The following LPIN1 variants were observed in gnomAD, a reference collection of about 807,000 sequenced individuals.
LPIN1 encodes the protein phosphatidate phosphatase LPIN1.
LPIN1 carries 71 observed loss-of-function variants against 107.5 expected under a neutral mutation model. The ratio of observed to expected loss-of-function variants is 0.66; its 90% CI spans 0.55 to 0.80. The LOEUF (loss-of-function observed/expected upper bound fraction) is 0.80. Among genes scored for constraint, LPIN1 ranks in the 30% least tolerant of loss-of-function variants. The probability of loss-of-function intolerance (pLI) is 0.00; values close to 1 mark genes in which losing one functional copy is unlikely to be tolerated. For missense variants in LPIN1, 1,043 were observed against 1,160.6 expected (o/e 0.90, Z 1.47); for synonymous variants, 445 against 452.6 (o/e 0.98, Z 0.21).
At chr2:11,684,517 G>T (rs1661895720) in intron 1 of LPIN1, among the ~76,000 whole-genome samples, 1 of 152,234 alleles carries the variant, frequency 6.6e-6, no homozygotes, top group African/African-American at 2.4e-5. Flanking sequence ...ACACAGAGCT[G>T]GAGGGTGGTT....
At chr2:11,747,054 C>G (rs956786512) in intron 1 of LPIN1, among the ~76,000 whole-genome samples, 7 of 152,186 alleles carry the variant, frequency 4.6e-5, no homozygotes, top group Non-Finnish European at 1.5e-5. Flanking sequence ...CGTCCTGGCT[C>G]TGCGCGATCA....
intron 18 of LPIN1, 117 bp downstream of exon 18, chr2:11,815,357 T>C: frequency 8.0e-7 from 1 of 1,251,208 alleles, no homozygotes; most frequent in Non-Finnish European, 1.1e-6. Context: ...ATATCCATGC[T>C]CCATAGCAGG....
upstream of LPIN1, chr2:11,724,192 C>T (rs1664369864): frequency 7.8e-6 from 2 of 255,268 alleles, no homozygotes; most frequent in Non-Finnish European, 1.2e-5. Flanking sequence ...TGGTCTCCTG[C>T]GTGCCCCCTC....
At chr2:11,816,404 T>C (rs1445089143) in intron 18 of LPIN1, 1 of 152,226 alleles carries the variant, frequency 6.6e-6, no homozygotes, top group East Asian at 1.9e-4. Flanking sequence ...CATCAGCCTG[T>C]GTTAAGTAGT....
rs533093841 is a variant in LPIN1, at chr2:11,826,788, C to T, written c.*1997C>T. 2.0e-5 allele frequency: 3 copies of T among 152,284 alleles called. No individual in the cohort carries two copies. Among genetic ancestry groups the T allele is most frequent in the South Asian group, 2.1e-4 (1 of 4,814 alleles). 9.4% of individuals were successfully genotyped at this position (152,284 alleles called of 1,614,324 possible). A position where few individuals can be genotyped will look rare whatever the true frequency, so the allele number is the denominator to read the frequency against. On this transcript the variant is annotated 3_prime_UTR_variant, in exon 21 of 21. Transcript: ENST00000674199. ...CCTCTGCAGCAGCACACCCTGCAGGCGGAGTTTTCAGAGGATGCAATTTTG... is the reference window on the plus strand; with the variant it reads ...CCTCTGCAGCAGCACACCCTGCAGGTGGAGTTTTCAGAGGATGCAATTTTG...
intron 18 of LPIN1, 72 bp downstream of exon 18, chr2:11,815,312 TG>T (rs1248444860): frequency 2.6e-6 from 4 of 1,560,318 alleles, no homozygotes; most frequent in Non-Finnish European, 3.5e-6. Context: ...CTGCAAGTTT[TG>T]TAAGAATAGC....
chr2:11,723,288 T>C (rs1417501832), upstream of LPIN1, among the ~76,000 whole-genome samples: 1 of 152,194 alleles, frequency 6.6e-6, no homozygotes, highest in Non-Finnish European at 1.5e-5. Flanking sequence ...AGAGATTTGG[T>C]ACTAGGCATA....
At chr2:11,699,447 C>T (rs571787421) in intron 1 of LPIN1, among the ~76,000 whole-genome samples, 413 of 151,920 alleles carry the variant, frequency 2.7e-3, no homozygotes, top group Non-Finnish European at 4.2e-3. Flanking sequence ...CTGGGGGGGG[C>T]GTGCGGAAGA....
Position 11,753,944 on chromosome 2 carries a change from G to A in LPIN1, c.-10+7273G>A, listed in dbSNP as rs116816846. On this transcript the variant is annotated intron_variant, in intron 1 of 20. Coordinates refer to ENST00000674199, the MANE Select transcript of LPIN1 (RefSeq NM_001349206.2). The stretch of plus-strand genomic sequence containing the variant: ...GAACACCAGTAACAGCGTGATGTTT[G>A]TGACTTTATCCAGTGCTGGGCGGAC... 6.4e-3 allele frequency among the ~76,000 whole-genome samples: 981 copies of A among 152,314 alleles called. 8 individuals are homozygous for A. Among genetic ancestry groups the A allele is most frequent in the African/African-American group, 0.021 (854 of 41,556 alleles).
intron 1 of LPIN1, among the ~76,000 whole-genome samples, chr2:11,726,897 T>TC (rs1357620555): frequency 6.6e-6 from 1 of 152,130 alleles, no homozygotes; most frequent in Non-Finnish European, 1.5e-5. Flanking sequence ...TGTTAGAGGG[T>TC]CCCCCAATTC....
chr2:11,726,547 T>C (rs1664679210), intron 1 of LPIN1, among the ~76,000 whole-genome samples: 1 of 151,672 alleles, frequency 6.6e-6, no homozygotes, highest in African/African-American at 2.4e-5. Context: ...TCAGATCCCA[T>C]CTGTTTAAGA....
intron 1 of LPIN1, among the ~76,000 whole-genome samples, chr2:11,712,125 T>A (rs528335441): frequency 2.0e-5 from 3 of 152,326 alleles, no homozygotes; most frequent in Non-Finnish European, 4.4e-5. Flanking sequence ...CCTGCCTCCT[T>A]GCCCCCTGAT....
At chr2:11,722,900 C>G (rs1361925640), upstream of LPIN1, among the ~76,000 whole-genome samples, 2 of 152,186 alleles carry the variant, frequency 1.3e-5, no homozygotes, top group Non-Finnish European at 2.9e-5. Context: ...GCTAGATTAG[C>G]ACATGACTTA....
chr2:11,693,191 C>T (rs2148508968), intron 1 of LPIN1, among the ~76,000 whole-genome samples: 1 of 150,258 alleles, frequency 6.7e-6, no homozygotes, highest in Non-Finnish European at 1.5e-5. Flanking sequence ...CTGTCAGAAT[C>T]ACCTGAACAA....
rs1240588068 is a variant in LPIN1 at position 11,803,360 on chromosome 2, G to C, written c.2013+327G>C. Reference sequence around the variant, plus strand: ...AGATAGACTTGAAAATCACTCAAGGGTGTTTTTGCTTCAAGAGAGAGATGT... The same window carrying C: ...AGATAGACTTGAAAATCACTCAAGGCTGTTTTTGCTTCAAGAGAGAGATGT... On this transcript the variant is annotated intron_variant, in intron 15 of 20. Coordinates refer to ENST00000674199, the MANE Select transcript of LPIN1 (RefSeq NM_001349206.2). The surrounding 1 kb of genome is among the most constrained non-coding windows in gnomAD (Gnocchi z 4.2). 6.6e-6 allele frequency among the ~76,000 whole-genome samples: 1 copy of C among 152,122 alleles called. No individual in the cohort carries two copies. Among genetic ancestry groups the C allele is most frequent in the Non-Finnish European group, 1.5e-5 (1 of 68,042 alleles).
At chr2:11,715,374 C>G (rs1016266565) in intron 2 of LPIN1, among the ~76,000 whole-genome samples, 2 of 152,158 alleles carry the variant, frequency 1.3e-5, no homozygotes, top group African/African-American at 4.8e-5. Context: ...ACAGGGAGCT[C>G]AGGACGGGAG....
intron 2 of LPIN1, among the ~76,000 whole-genome samples, chr2:11,717,186 A>G (rs1391398262): frequency 6.6e-6 from 1 of 152,192 alleles, no homozygotes; most frequent in Non-Finnish European, 1.5e-5. Flanking sequence ...ACTGGCTCAC[A>G]ATGAAGGCCG....
chr2:11,804,349 G>C lies in LPIN1; in HGVS notation c.2014-74G>C, dbSNP rs188041433. 4 of 1,533,316 alleles carry C rather than the reference G, an allele frequency of 2.6e-6. No homozygotes were observed. The East Asian group carries it at 9.0e-5, about 35-fold the overall frequency. 95.0% of individuals were successfully genotyped at this position (1,533,316 alleles called of 1,614,324 possible). On this transcript the variant is annotated intron_variant, in intron 15 of 20. Coordinates refer to ENST00000674199, the MANE Select transcript of LPIN1 (RefSeq NM_001349206.2). ...TTAAAGCCGAATCCTGCTTCTCATAGAACAGAAGCCAAATGCCCATCAATC... is the reference window on the plus strand; with the variant it reads ...TTAAAGCCGAATCCTGCTTCTCATACAACAGAAGCCAAATGCCCATCAATC...
At position 11,804,958 on chromosome 2, in the gene LPIN1, A is replaced by G. The variant is rs139148117; in HGVS notation, c.2163-112A>G. ...TTGAGCCTTGGGCTTTCTATCCAGAAAGAAAGTTGTGGGTCTTGTTTGTGT... is the reference window on the plus strand; with the variant it reads ...TTGAGCCTTGGGCTTTCTATCCAGAGAGAAAGTTGTGGGTCTTGTTTGTGT... On this transcript the variant is annotated intron_variant, in intron 16 of 20. Transcript: ENST00000674199. 4,204 of 752,426 alleles carry G rather than the reference A, an allele frequency of 5.6e-3. 24 individuals are homozygous for G. The highest frequency in any genetic ancestry group is 7.8e-3 in the Non-Finnish European group (3,427 of 440,228). The allele number at this position is 752,426 out of a possible 1,614,324, so 46.6% of individuals were successfully genotyped here. A position where few individuals can be genotyped will look rare whatever the true frequency, so the allele number is the denominator to read the frequency against.
Sources: gnomAD v4.1 joint callset for allele counts (sites outside exome capture counted in the v4.1 genomes callset) on GRCh38, gnomAD v4.1.1 for gene constraint, Gnocchi (gnomAD v3.1) non-coding constraint, MANE v1.5 for transcripts, NCBI Gene and HGNC (gene_info 2026-07-23, HGNC 2026-07-21) for gene names.